EARS2: variants seen among roughly 807,000 people sequenced by gnomAD.
EARS2 encodes the protein nondiscriminating glutamyl-tRNA synthetase EARS2, mitochondrial.
Under a neutral mutation model 54.1 loss-of-function variants are expected in EARS2, and 50 were observed. The observed-to-expected ratio is 0.92, with a 90% CI of 0.74 to 1.17. The LOEUF (loss-of-function observed/expected upper bound fraction) is 1.17, where lower values mean the gene tolerates loss of function less well. EARS2 is among the 50% of genes most tolerant of loss of function. The pLI is 0.00. For missense variants in EARS2, 673 were observed against 675.0 expected, an observed-to-expected ratio of 1.00 and a Z score of 0.03; for synonymous variants, 298 against 281.0, an observed-to-expected ratio of 1.06 and a Z score of -0.61.
chr16:23,535,290 C>T lies in EARS2; in HGVS notation c.556G>A (p.Ala186Thr). 1.9e-6 allele frequency: 3 copies of T among 1,606,394 alleles called. No individual in the cohort carries two copies. Among genetic ancestry groups the T allele is most frequent in the East Asian group, 4.5e-5 (2 of 44,886 alleles). The change falls in exon 4 of 9, where the codon GCG (alanine) becomes ACG (threonine). Residue 186 changes from alanine (A) to threonine (T), a missense_variant. Transcript: ENST00000449606. ...AQKLAKDPKP[A>T]IRFRLEQVVP... Reference sequence around the variant, plus strand: ...ACCTGCTCCAGGCGGAAGCGGATCGCAGGCTTGGGGTCCTTGGCCAGCTTC... The same window carrying T: ...ACCTGCTCCAGGCGGAAGCGGATCGTAGGCTTGGGGTCCTTGGCCAGCTTC...
chr16:23,542,958 C>T (rs1965540037), intron 3 of EARS2, among the ~76,000 whole-genome samples: 1 of 144,604 alleles, frequency 6.9e-6, no homozygotes, highest in African/African-American at 2.6e-5. Flanking sequence ...CTATTAAAAA[C>T]ACAAAAATTA....
In EARS2 at chr16:23,520,911, C is replaced by A. The variant is rs1965136976; in HGVS notation, c.*3460G>T. 6.6e-6 allele frequency among the ~76,000 whole-genome samples: 1 copy of A among 152,096 alleles called. No individual in the cohort carries two copies. The highest frequency in any genetic ancestry group is 1.5e-5 in the Non-Finnish European group (1 of 68,026). On this transcript the variant is annotated 3_prime_UTR_variant, in exon 9 of 9. Coordinates refer to ENST00000449606, the MANE Select transcript of EARS2 (RefSeq NM_001083614.2). ...GGTTCAAGTAATTCCTGTGCCTCAG[C>A]CACCCAAGTAGCTGGGATTATAGGT...
intron 3 of EARS2, among the ~76,000 whole-genome samples, chr16:23,543,331 G>C (rs1965546826): frequency 6.6e-6 from 1 of 151,468 alleles, no homozygotes; most frequent in South Asian, 2.1e-4. Context: ...GGCACTGCGT[G>C]AGTCCAGGAG....
In EARS2 at chr16:23,524,315, T is replaced by C; in HGVS notation, c.*56A>G. On this transcript the variant is annotated 3_prime_UTR_variant, in exon 9 of 9. Transcript: ENST00000449606. The stretch of plus-strand genomic sequence containing the variant: ...AGGCCTCCTTCTGGTCTCTGAAAGC[T>C]GTTTCTAAGCTCACAGGTTCTTAGG... 1.3e-6 allele frequency: 2 copies of C among 1,505,698 alleles called. No individual in the cohort carries two copies. The highest frequency in any genetic ancestry group is 1.8e-6 in the Non-Finnish European group (2 of 1,081,954). 93.3% of individuals were successfully genotyped at this position (1,505,698 alleles called of 1,614,324 possible). A position where few individuals can be genotyped will look rare whatever the true frequency, so the allele number is the denominator to read the frequency against.
At chr16:23,549,911 C>T (rs1221990904) in intron 2 of EARS2, among the ~76,000 whole-genome samples, 1 of 152,212 alleles carries the variant, frequency 6.6e-6, no homozygotes, top group East Asian at 1.9e-4. Context: ...TCCCCCAGGT[C>T]ACCACGGGGC....
chr16:23,538,233 G>A (rs756926694), intron 3 of EARS2, among the ~76,000 whole-genome samples: 14 of 151,984 alleles, frequency 9.2e-5, no homozygotes, highest in Non-Finnish European at 1.6e-4. Flanking sequence ...GTGCAGCGGC[G>A]TGATCTTGGC....
chr16:23,528,201 A>G (rs1293337798), intron 7 of EARS2, among the ~76,000 whole-genome samples: 3 of 152,230 alleles, frequency 2.0e-5, no homozygotes, highest in Admixed American at 1.3e-4. Flanking sequence ...CCACCAGTCT[A>G]TGTTATTTTG....
intron 3 of EARS2, among the ~76,000 whole-genome samples, chr16:23,540,653 T>C (rs1249490735): frequency 6.6e-6 from 1 of 152,206 alleles, no homozygotes; most frequent in African/African-American, 2.4e-5. Flanking sequence ...ACATAAAGGT[T>C]TGGGCTGAGC....
chr16:23,551,124 G>C (rs1965688182), intron 2 of EARS2, among the ~76,000 whole-genome samples: 1 of 152,212 alleles, frequency 6.6e-6, no homozygotes, highest in Non-Finnish European at 1.5e-5. Context: ...GGCTCCTCTT[G>C]CAACTCAGAG....
At chr16:23,545,296 G>C (rs1212784161) in intron 2 of EARS2, 2 of 143,782 alleles carry the variant, frequency 1.4e-5, no homozygotes, top group Non-Finnish European at 2.9e-5. Flanking sequence ...GGATTCCCTG[G>C]AGAGGGAGAA....
At chr16:23,535,382 T>G (rs757705089) in intron 3 of EARS2, 22 bp from the exon 4 acceptor site, 2 of 1,583,228 alleles carry the variant, frequency 1.3e-6, no homozygotes, top group Non-Finnish European at 1.7e-6. Context: ...CAGAGCAGCA[T>G]GAGTACTGTT....
intron 2 of EARS2, among the ~76,000 whole-genome samples, chr16:23,551,845 G>A (rs1050558681): frequency 6.6e-6 from 1 of 152,154 alleles, no homozygotes; most frequent in Admixed American, 6.5e-5. Flanking sequence ...GCGTGAACCC[G>A]GAAGGCGGAG....
At position 23,521,525 on chromosome 16, in the gene EARS2, A is replaced by G. The variant is rs1965142319; in HGVS notation, c.*2846T>C. On this transcript the variant is annotated 3_prime_UTR_variant, in exon 9 of 9. Transcript: ENST00000449606. ...GTGATCCTCCTACCTTAGTCTCCCA[A>G]GTAGCTGGGACTACAGGCATATGTC... Among the ~76,000 whole-genome samples, 1 of 151,930 alleles carries G rather than the reference A, an allele frequency of 6.6e-6. No individual in the cohort carries two copies. The highest frequency in any genetic ancestry group is 1.5e-5 in the Non-Finnish European group (1 of 68,000).
intron 1 of EARS2, among the ~76,000 whole-genome samples, chr16:23,555,865 A>G (rs1965770041): frequency 6.6e-6 from 1 of 152,202 alleles, no homozygotes; most frequent in Admixed American, 6.5e-5. Flanking sequence ...ATTTTAGTAG[A>G]GACAAGGTTT....
chr16:23,526,969 TA>T (rs1427315062), intron 7 of EARS2, among the ~76,000 whole-genome samples: 1 of 62,430 alleles, frequency 1.6e-5, no homozygotes, highest in East Asian at 3.9e-4. Context: ...AATAATTAAT[TA>T]TTTTTTTTTT....
intron 3 of EARS2, among the ~76,000 whole-genome samples, chr16:23,542,952 TAAAAACAC>T (rs1009319205): frequency 2.0e-5 from 3 of 149,022 alleles, no homozygotes; most frequent in Non-Finnish European, 4.4e-5. Context: ...CTCTCTCTAT[TAAAAACAC>T]AAAAATTAGC....
In EARS2 at chr16:23,524,167, G is replaced by T. The variant is rs1965184977; in HGVS notation, c.*204C>A. The T allele has an allele frequency of 1.5e-5, 9 of 606,776 alleles. No individual in the cohort carries two copies. In the South Asian group the frequency reaches 1.5e-4, roughly 10 times the overall value. 37.6% of individuals were successfully genotyped at this position (606,776 alleles called of 1,614,324 possible). On this transcript the variant is annotated 3_prime_UTR_variant, in exon 9 of 9. Transcript: ENST00000449606. ...TGCCTTTCCAGAGTCCAGGAGGTTA[G>T]ATGGGTTGGGCTTCCCCAGCCAATT... is the stretch of plus-strand genomic sequence containing the variant.
At chr16:23,539,542 A>G in intron 3 of EARS2, among the ~76,000 whole-genome samples, 1 of 152,226 alleles carries the variant, frequency 6.6e-6, no homozygotes, top group East Asian at 1.9e-4. Flanking sequence ...CGACTTAGAT[A>G]AGCTGTCTGA....
intron 1 of EARS2, 179 bp downstream of exon 1, chr16:23,557,026 T>C: frequency 1.0e-6 from 1 of 955,342 alleles, no homozygotes; most frequent in East Asian, 2.6e-5. Context: ...CTCCTGGCAA[T>C]TTGAATTATT....
Sources: allele counts gnomAD v4.1 joint callset (sites outside exome capture counted in the v4.1 genomes callset), GRCh38; gene constraint gnomAD v4.1.1; transcripts MANE v1.5; gene names NCBI Gene and HGNC (gene_info 2026-07-23, HGNC 2026-07-21).